The following ERICH3 variants were observed in gnomAD, a reference collection of about 807,000 sequenced individuals.
The protein encoded by ERICH3 is glutamate rich 3, also known as glutamate-rich protein 3.
ERICH3 carries 126 observed loss-of-function variants against 131.1 expected under a neutral mutation model. That is an observed-to-expected ratio of 0.96 (90% CI 0.83 to 1.11). The LOEUF (loss-of-function observed/expected upper bound fraction) is 1.11. ERICH3 is among the 50% of genes most tolerant of loss of function. The pLI is 0.00. For synonymous variants in ERICH3, 695 were observed against 644.6 expected (o/e 1.08, Z -1.18); for missense variants, 2,050 against 1,810.7 (o/e 1.13, Z -2.40).
intron 13 of ERICH3, among the ~76,000 whole-genome samples, chr1:74,575,834 A>C (rs778837527): frequency 1.3e-5 from 2 of 152,254 alleles, no homozygotes; most frequent in Non-Finnish European, 2.9e-5. Flanking sequence ...ATATGAACAC[A>C]ACACTATAAG....
Position 74,612,941 on chromosome 1 carries a change from G to C in ERICH3, c.1001-132C>G, listed in dbSNP as rs1456626465. 5 of 625,208 alleles carry C rather than the reference G, an allele frequency of 8.0e-6. No homozygotes were observed. In the East Asian group the frequency reaches 1.4e-4, roughly 18 times the overall value. The allele number at this position is 625,208 out of a possible 1,614,324, so 38.7% of individuals were successfully genotyped here. A position where few individuals can be genotyped will look rare whatever the true frequency, so the allele number is the denominator to read the frequency against. Reference sequence around the variant, plus strand: ...GGGTGTCCAATCTTTTGGCTTCCCTGGTCCACACTGGAAGAAGAAGAATTG... The same window carrying C: ...GGGTGTCCAATCTTTTGGCTTCCCTCGTCCACACTGGAAGAAGAAGAATTG... On this transcript the variant is annotated intron_variant, in intron 8 of 14. Coordinates refer to ENST00000326665, the MANE Select transcript of ERICH3 (RefSeq NM_001002912.5).
At chr1:74,657,316 AAAGTATATCCTTTTG>A (rs1299136542) in intron 1 of ERICH3, among the ~76,000 whole-genome samples, 3 of 152,168 alleles carry the variant, frequency 2.0e-5, no homozygotes, top group African/African-American at 7.2e-5. Context: ...GGGAGGCAGA[AAAGTATATCCTTTTG>A]AAGAAACTTG....
intron 7 of ERICH3, chr1:74,622,289 T>G (rs1403096447): frequency 6.6e-6 from 1 of 152,220 alleles, no homozygotes; most frequent in Non-Finnish European, 1.5e-5. Context: ...TTTTCTTGCC[T>G]GTTGGAAGGA....
intron 12 of ERICH3, among the ~76,000 whole-genome samples, chr1:74,587,789 T>A (rs1484187462): frequency 1.3e-5 from 2 of 152,206 alleles, no homozygotes; most frequent in Non-Finnish European, 2.9e-5. Flanking sequence ...CTTATATGTA[T>A]GAAAATTTCA....
intron 1 of ERICH3, among the ~76,000 whole-genome samples, chr1:74,652,286 C>T (rs955665667): frequency 1.4e-4 from 22 of 152,070 alleles, no homozygotes; most frequent in African/African-American, 5.1e-4. Context: ...TACATGTGAC[C>T]ATCTTTCTGA....
At position 74,599,840 on chromosome 1, in the gene ERICH3, C is replaced by T. The variant is rs74093443; in HGVS notation, c.1581G>A (p.Pro527=). 4.0e-3 allele frequency: 6,464 copies of T among 1,612,246 alleles called. 226 individuals carry two copies. In the African/African-American group the frequency reaches 0.075, roughly 19 times the overall value. ...GQADVQMNGI[P]QSPLDDKKDN... ...CTTTTTTATCATCCAAAGGTGACTG[C>T]GGTATTCCATTCATTTGAACATCAG... The change falls in exon 11 of 15, where the codon CCG becomes CCA. Residue 527 remains proline, a synonymous_variant. Coordinates refer to ENST00000326665, the MANE Select transcript of ERICH3 (RefSeq NM_001002912.5).
chr1:74,601,707 A>G (rs542965525), intron 10 of ERICH3, among the ~76,000 whole-genome samples: 8 of 152,004 alleles, frequency 5.3e-5, no homozygotes, highest in Non-Finnish European at 8.8e-5. Context: ...GCAGAGGGCC[A>G]GAGAGAATAT....
chr1:74,613,951 T>A (rs115548358), intron 8 of ERICH3, among the ~76,000 whole-genome samples: 143 of 152,344 alleles, frequency 9.4e-4, no homozygotes, highest in African/African-American at 3.1e-3. Context: ...CTCTACTATG[T>A]ACGCATTTCC....
chr1:74,592,320 G>A lies in ERICH3; in HGVS notation c.1727-2240C>T, dbSNP rs189856811. The A allele has an allele frequency of 9.2e-5, 14 of 152,146 alleles. No individual in the cohort carries two copies. The East Asian group carries it at 2.5e-3, about 27-fold the overall frequency. 9.4% of individuals were successfully genotyped at this position (152,146 alleles called of 1,614,324 possible). On this transcript the variant is annotated intron_variant, in intron 11 of 14. Transcript: ENST00000326665. ...CTGGTAGAAAATGTAGCAAATCAAG[G>A]AGAGTTCTTCTCCATCTTATTTGTA... is the stretch of plus-strand genomic sequence containing the variant.
chr1:74,573,376 A>T lies in ERICH3; in HGVS notation c.2334T>A (p.Asp778Glu), dbSNP rs1646995467. The T allele has an allele frequency of 6.2e-7, 1 of 1,608,740 alleles. No individual in the cohort carries two copies. Among genetic ancestry groups the T allele is most frequent in the Admixed American group, 1.7e-5 (1 of 58,734 alleles). The stretch of plus-strand genomic sequence containing the variant: ...CAGCATCTCTGTGCTGGGGCGCTTC[A>T]TCTTCCTCCATTGCTTCTTTCTTCT... ...TLEKKEAMEE[D>E]EAPQHRDADI... Residue 778 changes from aspartate to glutamate, a missense_variant, in exon 14 of 15, where the codon GAT (aspartate) becomes GAA (glutamate). Transcript: ENST00000326665.
At chr1:74,665,207 C>A (rs936611809) in intron 1 of ERICH3, among the ~76,000 whole-genome samples, 1 of 138,852 alleles carries the variant, frequency 7.2e-6, no homozygotes, top group Non-Finnish European at 1.5e-5. Context: ...AGCAAGACTC[C>A]GTCTCAAAAA....
intron 10 of ERICH3, among the ~76,000 whole-genome samples, chr1:74,600,337 A>G (rs1217333132): frequency 6.6e-6 from 1 of 151,896 alleles, no homozygotes; most frequent in East Asian, 1.9e-4. Context: ...CATATGAAAA[A>G]TGTTCAAAAT....
At chr1:74,587,387 T>C (rs1331626310) in intron 12 of ERICH3, among the ~76,000 whole-genome samples, 1 of 151,652 alleles carries the variant, frequency 6.6e-6, no homozygotes, top group African/African-American at 2.4e-5. Flanking sequence ...CTTGCCATCT[T>C]GTGTTGAATC....
rs557892648 is a variant in ERICH3 at position 74,662,372 on chromosome 1, T to C, written c.23+11125A>G. 8.5e-5 allele frequency among the ~76,000 whole-genome samples: 13 copies of C among 152,252 alleles called. No homozygotes were observed. In the South Asian group the frequency reaches 2.5e-3, roughly 29 times the overall value. The stretch of plus-strand genomic sequence containing the variant: ...ACTATGGGAAAGAAGATTTTAAAAG[T>C]CATAATCTTACATAAATCCCTATGA... On this transcript the variant is annotated intron_variant, in intron 1 of 14. Coordinates refer to ENST00000326665, the MANE Select transcript of ERICH3 (RefSeq NM_001002912.5).
At chr1:74,664,600 T>C (rs1399054669) in intron 1 of ERICH3, among the ~76,000 whole-genome samples, 1 of 152,196 alleles carries the variant, frequency 6.6e-6, no homozygotes, top group Non-Finnish European at 1.5e-5. Context: ...TTTAATGCTG[T>C]TTCATAACTA....
Position 74,646,656 on chromosome 1 carries a change from T to C in ERICH3, c.243+11A>G. ...AATAAAATAAAATAAAAAATAAGTA[T>C]ATATTTTTACCTCCATATCAAGAAC... is the stretch of plus-strand genomic sequence containing the variant. On this transcript the variant is annotated intron_variant, in intron 3 of 14. Coordinates refer to ENST00000326665, the MANE Select transcript of ERICH3 (RefSeq NM_001002912.5). 2 of 1,246,272 alleles carry C rather than the reference T, an allele frequency of 1.6e-6. No individual in the cohort carries two copies. The highest frequency in any genetic ancestry group is 2.2e-6 in the Non-Finnish European group (2 of 918,122). 77.2% of individuals were successfully genotyped at this position (1,246,272 alleles called of 1,614,324 possible). A position where few individuals can be genotyped will look rare whatever the true frequency, so the allele number is the denominator to read the frequency against.
chr1:74,577,744 G>A (rs920822090), intron 12 of ERICH3, among the ~76,000 whole-genome samples: 2 of 152,100 alleles, frequency 1.3e-5, no homozygotes, highest in African/African-American at 2.4e-5. Context: ...AGAGCAGCCA[G>A]GAGCAGTGAC....
chr1:74,589,540 T>C (rs980438385), intron 12 of ERICH3, 91 bp downstream of exon 12: 1 of 1,194,126 alleles, frequency 8.4e-7, no homozygotes. Flanking sequence ...ATTGTCACAG[T>C]AGTATTTCCC....
chr1:74,623,771 A>G (rs1649317458), intron 7 of ERICH3: 1 of 152,176 alleles, frequency 6.6e-6, no homozygotes, highest in Non-Finnish European at 1.5e-5. Context: ...CCCATTATCC[A>G]TGGGATAAGT....
Sources: gnomAD v4.1 joint callset for allele counts (sites outside exome capture counted in the v4.1 genomes callset) on GRCh38, gnomAD v4.1.1 for gene constraint, MANE v1.5 for transcripts, NCBI Gene and HGNC (gene_info 2026-07-23, HGNC 2026-07-21) for gene names.